Variants in NAV1 observed in about 807,000 individuals in gnomAD.
NAV1 encodes pore membrane and/or filament interacting like protein 3.
Under a neutral mutation model 175.2 loss-of-function variants are expected in NAV1, and 18 were observed. The observed-to-expected ratio is 0.10, with a 90% confidence interval of 0.07 to 0.15. The LOEUF (loss-of-function observed/expected upper bound fraction) is 0.15. Among genes scored for constraint, NAV1 ranks in the 10% least tolerant of loss-of-function variants. NAV1 has a pLI of 1.00. For missense variants in NAV1, 1,731 were observed against 2,436.6 expected, an observed-to-expected ratio of 0.71 and a Z score of 6.10; for synonymous variants, 897 against 978.7, an observed-to-expected ratio of 0.92 and a Z score of 1.56.
intron 2 of NAV1, among the ~76,000 whole-genome samples, chr1:201,599,784 G>A (rs936608910): frequency 1.3e-5 from 2 of 152,164 alleles, no homozygotes; most frequent in African/African-American, 4.8e-5. Context: ...GATGGCGTCT[G>A]TGTCATAAAC....
intron 1 of NAV1, among the ~76,000 whole-genome samples, chr1:201,550,494 T>G (rs1665825784): frequency 6.6e-6 from 1 of 152,186 alleles, no homozygotes; most frequent in Non-Finnish European, 1.5e-5. Context: ...TTTAAAAGTA[T>G]TTGGTTATCA....
intron 1 of NAV1, among the ~76,000 whole-genome samples, chr1:201,702,768 C>T (rs1332068316): frequency 4.0e-5 from 6 of 149,932 alleles, no homozygotes; most frequent in Non-Finnish European, 8.8e-5. Flanking sequence ...TTGGACTATG[C>T]GCTCTAGAGT....
intron 1 of NAV1, 29 bp from the exon 4 acceptor site, chr1:201,629,375 T>A (rs1668423636): frequency 7.8e-7 from 1 of 1,289,662 alleles, no homozygotes; most frequent in Admixed American, 2.3e-5. Flanking sequence ...ATCTCTACCA[T>A]GAGTGACTAC....
chr1:201,733,589 T>C (rs907009251), intron 3 of NAV1: 1 of 152,044 alleles, frequency 6.6e-6, no homozygotes, highest in Non-Finnish European at 1.5e-5. Flanking sequence ...TAGGTGGTGC[T>C]GTGTGTCATA....
intron 3 of NAV1, among the ~76,000 whole-genome samples, chr1:201,776,892 A>G (rs1192176128): frequency 6.6e-6 from 1 of 152,160 alleles, no homozygotes; most frequent in Non-Finnish European, 1.5e-5. Context: ...ACCAAGGCAC[A>G]TCATTAGCGA....
At chr1:201,631,133 C>T (rs1383644461) in intron 2 of NAV1, among the ~76,000 whole-genome samples, 1 of 152,198 alleles carries the variant, frequency 6.6e-6, no homozygotes, top group Non-Finnish European at 1.5e-5. Flanking sequence ...GAAACACTGG[C>T]TTTCTCCAAG....
intron 1 of NAV1, among the ~76,000 whole-genome samples, chr1:201,557,354 C>T (rs1469897257): frequency 6.6e-6 from 1 of 152,180 alleles, no homozygotes; most frequent in Non-Finnish European, 1.5e-5. Context: ...CAGCACAGCC[C>T]ACAGGACAGC....
At chr1:201,678,789 CCT>C (rs1469450619) in intron 1 of NAV1, among the ~76,000 whole-genome samples, 1 of 152,168 alleles carries the variant, frequency 6.6e-6, no homozygotes, top group Non-Finnish European at 1.5e-5. Context: ...GACACACCTC[CCT>C]CTGTCTGTCC....
chr1:201,615,375 C>T (rs1667975339), intron 2 of NAV1, among the ~76,000 whole-genome samples: 1 of 151,954 alleles, frequency 6.6e-6, no homozygotes, highest in Admixed American at 6.6e-5. Context: ...GGCGATTCTC[C>T]TGCTTCAGCC....
At chr1:201,684,060 G>A (rs182164263) in intron 1 of NAV1, among the ~76,000 whole-genome samples, 1 of 152,040 alleles carries the variant, frequency 6.6e-6, no homozygotes, top group African/African-American at 2.4e-5. Context: ...GGCTGTTAGG[G>A]GAGCACTTTT....
chr1:201,610,023 T>C (rs1667801052), intron 2 of NAV1, among the ~76,000 whole-genome samples: 1 of 152,138 alleles, frequency 6.6e-6, no homozygotes, highest in Admixed American at 6.5e-5. Flanking sequence ...CTGAGGCCTA[T>C]GTAGCAGGAG....
chr1:201,568,321 C>T (rs929390113), intron 1 of NAV1, among the ~76,000 whole-genome samples: 1 of 152,152 alleles, frequency 6.6e-6, no homozygotes, highest in Admixed American at 6.5e-5. Flanking sequence ...ATCCTGGAAC[C>T]CTGGCTTGTC....
In NAV1 at chr1:201,577,932, T is replaced by C. The variant is rs148208863; in HGVS notation, c.-143-10607T>C. 1.3e-3 allele frequency among the ~76,000 whole-genome samples: 202 copies of C among 152,316 alleles called. 1 individual carries two copies. The highest frequency in any genetic ancestry group is 4.6e-3 in the African/African-American group (193 of 41,566). ...TTCTCTTCCTGCTTTCAAGATTGTT[T>C]CTTTGTCTTTAACTCGCAGATGCTT... On this transcript the variant is annotated intron_variant, in intron 1 of 33. Coordinates refer to the NAV1 transcript ENST00000685211.
intron 3 of NAV1, among the ~76,000 whole-genome samples, chr1:201,762,252 A>C (rs905191914): frequency 1.3e-5 from 2 of 152,272 alleles, no homozygotes; most frequent in African/African-American, 4.8e-5. Context: ...GATCAGAAGT[A>C]ATAAAAGTGG....
Position 201,629,516 on chromosome 1 carries a change from T to C in NAV1, c.4+9T>C. ...GAGCTTCTCCTGCATGGGTAAGTGA[T>C]CTGGGGGAGACTTCCTCCTAGGGTC... On this transcript the variant is annotated intron_variant, in intron 2 of 29. Transcript: ENST00000367302. 2 of 1,301,302 alleles carry C rather than the reference T, an allele frequency of 1.5e-6. No individual in the cohort carries two copies. Among genetic ancestry groups the C allele is most frequent in the Non-Finnish European group, 2.0e-6 (2 of 987,394 alleles). The allele number at this position is 1,301,302 out of a possible 1,614,324, so 80.6% of individuals were successfully genotyped here.
intron 1 of NAV1, among the ~76,000 whole-genome samples, chr1:201,587,386 GA>G (rs959335043): frequency 6.6e-6 from 1 of 152,072 alleles, no homozygotes; most frequent in Non-Finnish European, 1.5e-5. Context: ...CTAGTATCTA[GA>G]ATACATGAAG....
intron 3 of NAV1, among the ~76,000 whole-genome samples, chr1:201,748,671 A>G (rs1673918510): frequency 6.6e-6 from 1 of 152,344 alleles, no homozygotes; most frequent in South Asian, 2.1e-4. Context: ...TTGTAAAAGC[A>G]GCTTTGATCC....
chr1:201,698,096 C>G lies in NAV1; in HGVS notation c.758-14721C>G, dbSNP rs74615541. 2.2e-4 allele frequency among the ~76,000 whole-genome samples: 34 copies of G among 152,330 alleles called. No individual in the cohort carries two copies. The East Asian group carries it at 6.4e-3, about 29-fold the overall frequency. ...GCCTCTCGTCGTCTGATGCCCAGAG[C>G]CAGTCCTTCCTCTCTTGTGGCTCAG... On this transcript the variant is annotated intron_variant, in intron 1 of 29. Coordinates refer to ENST00000367296, the Ensembl canonical transcript of NAV1.
intron 1 of NAV1, among the ~76,000 whole-genome samples, chr1:201,709,753 A>G (rs1671820547): frequency 6.6e-6 from 1 of 152,206 alleles, no homozygotes; most frequent in Non-Finnish European, 1.5e-5. Flanking sequence ...GTCACCCCCA[A>G]GGAAACCAAA....
Sources: allele counts gnomAD v4.1 joint callset (sites outside exome capture counted in the v4.1 genomes callset), GRCh38; gene constraint gnomAD v4.1.1; transcripts MANE v1.5; gene names NCBI Gene and HGNC (gene_info 2026-07-23, HGNC 2026-07-21).